Variants in NCK1 observed in about 807,000 individuals in gnomAD.
NCK1 encodes the protein SH2/SH3 adapter protein NCK1.
Under a neutral mutation model 36.6 loss-of-function variants are expected in NCK1, and 19 were observed. The observed-to-expected ratio is 0.52, with a 90% CI of 0.36 to 0.76. NCK1 has a LOEUF of 0.76. Among genes scored for constraint, NCK1 ranks in the 30% least tolerant of loss-of-function variants. The pLI, the probability that NCK1 is intolerant of heterozygous loss-of-function variation, is 0.00. For synonymous variants in NCK1, 165 were observed against 156.0 expected (o/e 1.06, Z -0.43); for missense variants, 358 against 445.6 (o/e 0.80, Z 1.77).
chr3:136,921,639 A>G (rs749053242), intron 1 of NCK1, among the ~76,000 whole-genome samples: 1 of 152,236 alleles, frequency 6.6e-6, no homozygotes, highest in Non-Finnish European at 1.5e-5. Context: ...TTAAAATGGT[A>G]AGGACAGATT....
chr3:136,877,489 TTA>T (rs1938806922), intron 1 of NCK1, among the ~76,000 whole-genome samples: 1 of 151,758 alleles, frequency 6.6e-6, no homozygotes, highest in Non-Finnish European at 1.5e-5. Context: ...AGAGGAAGAG[TTA>T]TAGCCTTCAA....
intron 1 of NCK1, among the ~76,000 whole-genome samples, chr3:136,876,178 C>T (rs1415324585): frequency 6.6e-6 from 1 of 151,996 alleles, no homozygotes; most frequent in African/African-American, 2.4e-5. Flanking sequence ...ATTTATAGCA[C>T]TAAATGCCCA....
chr3:136,925,545 G>A (rs1010203525), intron 1 of NCK1, among the ~76,000 whole-genome samples: 1 of 152,032 alleles, frequency 6.6e-6, no homozygotes, highest in Non-Finnish European at 1.5e-5. Context: ...CGTTAACCCT[G>A]GCAACTACTA....
chr3:136,916,575 T>C (rs1470647044), intron 1 of NCK1, among the ~76,000 whole-genome samples: 1 of 152,168 alleles, frequency 6.6e-6, no homozygotes, highest in Non-Finnish European at 1.5e-5. Flanking sequence ...AATCTAAACC[T>C]TATTAATAAT....
chr3:136,902,714 A>G (rs1251580901), intron 1 of NCK1, among the ~76,000 whole-genome samples: 2 of 150,724 alleles, frequency 1.3e-5, no homozygotes, highest in Non-Finnish European at 3.0e-5. Context: ...AACCAGACCA[A>G]TCAGGCAAGA....
chr3:136,938,778 CA>C (rs534566019), intron 2 of NCK1, among the ~76,000 whole-genome samples: 1 of 152,306 alleles, frequency 6.6e-6, no homozygotes, highest in South Asian at 2.1e-4. Context: ...GATTGGTTAA[CA>C]AAAACATGAT....
At chr3:136,887,256 C>T (rs889378138) in intron 1 of NCK1, among the ~76,000 whole-genome samples, 3 of 152,206 alleles carry the variant, frequency 2.0e-5, no homozygotes, top group African/African-American at 7.2e-5. Flanking sequence ...TGGCCTCCAA[C>T]TCTTGGCCTC....
At chr3:136,893,193 C>CCCATTCGTTAATTGATGG in intron 1 of NCK1, among the ~76,000 whole-genome samples, 1 of 81,332 alleles carries the variant, frequency 1.2e-5, no homozygotes, top group Non-Finnish European at 2.5e-5. Flanking sequence ...TATATATATA[C>CCCATTCGTTAATTGATGG]ACACATGTGC....
At chr3:136,919,489 A>C (rs1323194916) in intron 1 of NCK1, among the ~76,000 whole-genome samples, 1 of 152,162 alleles carries the variant, frequency 6.6e-6, no homozygotes, top group African/African-American at 2.4e-5. Context: ...TCTCTAGTGA[A>C]AAGGGAAATT....
chr3:136,897,469 A>T (rs757648400), intron 1 of NCK1, among the ~76,000 whole-genome samples: 2 of 152,126 alleles, frequency 1.3e-5, no homozygotes, highest in African/African-American at 2.4e-5. Flanking sequence ...CATTTCCTTA[A>T]TGATTAGTGA....
Position 136,928,294 on chromosome 3 carries a change from A to G in NCK1, c.226+67A>G, listed in dbSNP as rs146610316. ...AAACCTGCAACTTAGTTCTTTGTAC[A>G]TAATTCTGGCAGCAGTGTGCATAAT... On this transcript the variant is annotated intron_variant, in intron 2 of 3. Transcript: ENST00000481752. 5.3e-4 allele frequency: 759 copies of G among 1,420,392 alleles called. 3 individuals are homozygous for G. The African/African-American group carries it at 9.8e-3, about 18-fold the overall frequency. The allele number at this position is 1,420,392 out of a possible 1,614,324, so 88.0% of individuals were successfully genotyped here.
intron 1 of NCK1, among the ~76,000 whole-genome samples, chr3:136,883,055 A>G (rs1938986568): frequency 6.6e-6 from 1 of 152,128 alleles, no homozygotes; most frequent in Non-Finnish European, 1.5e-5. Context: ...AGTAGCTGGG[A>G]TTACAGGCAT....
intron 1 of NCK1, among the ~76,000 whole-genome samples, chr3:136,922,993 T>C (rs1940149440): frequency 1.3e-5 from 2 of 152,058 alleles, no homozygotes; most frequent in South Asian, 4.1e-4. Context: ...TTGTTAGAAG[T>C]AGTAGATGTA....
intron 1 of NCK1, among the ~76,000 whole-genome samples, chr3:136,927,694 G>T (rs1053686275): frequency 6.6e-6 from 1 of 151,948 alleles, no homozygotes; most frequent in Non-Finnish European, 1.5e-5. Flanking sequence ...GCTAATTTTT[G>T]TATTTTAGTA....
chr3:136,872,654 C>T (rs1448539347), intron 1 of NCK1, among the ~76,000 whole-genome samples: 1 of 152,226 alleles, frequency 6.6e-6, no homozygotes, highest in Non-Finnish European at 1.5e-5. Context: ...CCTCCCATCA[C>T]AGGCGTGGAA....
intron 2 of NCK1, among the ~76,000 whole-genome samples, chr3:136,943,477 T>A (rs1940729341): frequency 6.6e-6 from 1 of 152,254 alleles, no homozygotes; most frequent in Non-Finnish European, 1.5e-5. Context: ...GTCTTAGAGC[T>A]GCAAAGAGAT....
intron 1 of NCK1, among the ~76,000 whole-genome samples, chr3:136,907,291 A>T (rs190960054): frequency 2.0e-5 from 3 of 152,070 alleles, no homozygotes; most frequent in African/African-American, 4.8e-5. Flanking sequence ...GAGAATGTCA[A>T]TGGGGTCTCC....
chr3:136,866,234 T>C (rs945095888), intron 1 of NCK1, among the ~76,000 whole-genome samples: 10 of 152,188 alleles, frequency 6.6e-5, no homozygotes, highest in Non-Finnish European at 1.5e-4. Context: ...CTGTCCACTC[T>C]AACCAAACCA....
At chr3:136,888,866 G>A (rs1286299510) in intron 1 of NCK1, among the ~76,000 whole-genome samples, 1 of 151,332 alleles carries the variant, frequency 6.6e-6, no homozygotes, top group Non-Finnish European at 1.5e-5. Flanking sequence ...TTTTTTTGTT[G>A]TTTGTTTTGT....
Sources: allele counts gnomAD v4.1 joint callset (sites outside exome capture counted in the v4.1 genomes callset), GRCh38; gene constraint gnomAD v4.1.1; transcripts MANE v1.5; gene names NCBI Gene and HGNC (gene_info 2026-07-23, HGNC 2026-07-21).